The following ASAH2 variants were observed in gnomAD, a reference collection of about 807,000 sequenced individuals.
ASAH2 encodes the protein N-acylsphingosine amidohydrolase 2.
ASAH2 carries 58 observed loss-of-function variants against 82.9 expected under a neutral mutation model. The observed-to-expected ratio is 0.70, with a 90% CI of 0.57 to 0.87. The LOEUF is 0.87. Ranked by LOEUF, ASAH2 falls within the 40% of genes least tolerant of loss-of-function variation. The probability of loss-of-function intolerance (pLI) is 0.00; values close to 1 mark genes in which losing one functional copy is unlikely to be tolerated. For missense variants in ASAH2, 779 were observed against 834.0 expected, an observed-to-expected ratio of 0.93 and a Z score of 0.81; for synonymous variants, 276 against 289.7, an observed-to-expected ratio of 0.95 and a Z score of 0.48.
chr10:50,199,274 T>C, intron 16 of ASAH2, 128 bp from the exon 17 acceptor site: 1 of 907,974 alleles, frequency 1.1e-6, no homozygotes, highest in Non-Finnish European at 1.8e-6. Flanking sequence ...ATCTTCAAGA[T>C]TATGTATGAC....
In ASAH2 at chr10:50,186,700, CTTAGAAAGACTATGTTATTTTGA is replaced by C. The variant is rs1478421949; in HGVS notation, c.*592_*614del. 1 of 130,728 alleles carries C rather than the reference CTTAGAAAGACTATGTTATTTTGA, an allele frequency of 7.6e-6. No individual in the cohort carries two copies. Among genetic ancestry groups the C allele is most frequent in the Non-Finnish European group, 1.6e-5 (1 of 62,744 alleles). The allele number at this position is 130,728 out of a possible 1,614,324, so 8.1% of individuals were successfully genotyped here. A position where few individuals can be genotyped will look rare whatever the true frequency, so the allele number is the denominator to read the frequency against. ...AGGCATGTTAACTCCAGAATGACTGCTTAGAAAGACTATGTTATTTTGAATGAAGGAAAACTGACATGCTGATT... is the reference window on the plus strand; with the variant it reads ...AGGCATGTTAACTCCAGAATGACTGCATGAAGGAAAACTGACATGCTGATT... On this transcript the variant is annotated 3_prime_UTR_variant, in exon 21 of 21. Coordinates refer to ENST00000682911, the MANE Select transcript of ASAH2 (RefSeq NM_019893.4).
intron 3 of ASAH2, among the ~76,000 whole-genome samples, chr10:50,243,779 C>G (rs1846371120): frequency 6.6e-6 from 1 of 152,156 alleles, no homozygotes; most frequent in Non-Finnish European, 1.5e-5. Context: ...TCCCACATTG[C>G]CCAGGAACAT....
In ASAH2 at chr10:50,245,305, A is replaced by T; in HGVS notation, c.277T>A (p.Ser93Thr). 8 of 1,613,680 alleles carry T rather than the reference A, an allele frequency of 5.0e-6. No homozygotes were observed. Among genetic ancestry groups the T allele is most frequent in the Non-Finnish European group, 6.8e-6 (8 of 1,179,920 alleles). ...CCACTGAAGTTCTGAAATAGAGGAG[A>T]CTCTGGGGTTAAAGGCACTGGAGAA... The part of the protein sequence containing the change: ...QTSPVPLTPE[S>T]PLFQNFSGYH... Residue 93 changes from serine (S) to threonine (T), a missense_variant, in exon 3 of 21, where the codon TCT becomes ACT. Transcript: ENST00000682911.
At chr10:50,238,216 A>C (rs1454800679) in intron 4 of ASAH2, among the ~76,000 whole-genome samples, 1 of 152,184 alleles carries the variant, frequency 6.6e-6, no homozygotes, top group African/African-American at 2.4e-5. Flanking sequence ...AGCTAGTTCC[A>C]GCTCACTGCT....
At chr10:50,233,933 T>G (rs2133224843) in intron 6 of ASAH2, among the ~76,000 whole-genome samples, 1 of 152,226 alleles carries the variant, frequency 6.6e-6, no homozygotes, top group African/African-American at 2.4e-5. Context: ...ATATTCTTTA[T>G]CCTTTTATTT....
chr10:50,249,949 G>A (rs1846573403), intron 1 of ASAH2, among the ~76,000 whole-genome samples: 2 of 152,018 alleles, frequency 1.3e-5, no homozygotes, highest in South Asian at 4.2e-4. Flanking sequence ...GTTAATAAAT[G>A]GCAACAATGT....
At chr10:50,216,010 A>C (rs994918335) in intron 8 of ASAH2, among the ~76,000 whole-genome samples, 98 of 152,316 alleles carry the variant, frequency 6.4e-4, no homozygotes, top group Admixed American at 1.4e-3. Flanking sequence ...TATCCTTTGC[A>C]GGGACATGGA....
chr10:50,213,289 A>G (rs1384354284), intron 9 of ASAH2, among the ~76,000 whole-genome samples: 1 of 152,156 alleles, frequency 6.6e-6, no homozygotes, highest in African/African-American at 2.4e-5. Context: ...AAATAAGGAA[A>G]TTGAGGCTCA....
intron 8 of ASAH2, among the ~76,000 whole-genome samples, chr10:50,215,146 C>T (rs1845560454): frequency 6.6e-6 from 1 of 152,208 alleles, no homozygotes; most frequent in Non-Finnish European, 1.5e-5. Context: ...TTACCAATCC[C>T]TATGTCCTAA....
intron 4 of ASAH2, among the ~76,000 whole-genome samples, chr10:50,238,304 G>C (rs976965249): frequency 1.6e-5 from 2 of 121,900 alleles, no homozygotes; most frequent in African/African-American, 6.2e-5. Flanking sequence ...TCTATTGCAG[G>C]TGAAGATCTA....
At chr10:50,220,611 G>A (rs1845717505) in intron 7 of ASAH2, among the ~76,000 whole-genome samples, 1 of 152,050 alleles carries the variant, frequency 6.6e-6, no homozygotes, top group Admixed American at 6.6e-5. Context: ...AGATGCTGGG[G>A]CTTATTGGAG....
At chr10:50,220,337 G>A (rs1231837707) in intron 7 of ASAH2, among the ~76,000 whole-genome samples, 1 of 152,076 alleles carries the variant, frequency 6.6e-6, no homozygotes, top group Non-Finnish European at 1.5e-5. Context: ...TATGTTCGTT[G>A]CAGCACTATT....
chr10:50,248,249 C>T (rs560016121), intron 2 of ASAH2, among the ~76,000 whole-genome samples: 1 of 152,140 alleles, frequency 6.6e-6, no homozygotes, highest in Non-Finnish European at 1.5e-5. Context: ...AAACTAATGG[C>T]AAACAAGTAC....
At chr10:50,209,352 G>GA (rs1018676880) in intron 12 of ASAH2, among the ~76,000 whole-genome samples, 3 of 151,378 alleles carry the variant, frequency 2.0e-5, no homozygotes, top group Non-Finnish European at 4.4e-5. Context: ...CAGAATGGAA[G>GA]AAAAAAAATT....
chr10:50,249,033 A>T (rs1463434201), intron 1 of ASAH2, among the ~76,000 whole-genome samples: 1 of 152,206 alleles, frequency 6.6e-6, no homozygotes, highest in Non-Finnish European at 1.5e-5. Context: ...GTTAACAAGG[A>T]TGACTGATGC....
chr10:50,232,592 A>G (rs1459573924), intron 7 of ASAH2, among the ~76,000 whole-genome samples: 3 of 152,142 alleles, frequency 2.0e-5, no homozygotes, highest in Non-Finnish European at 4.4e-5. Flanking sequence ...ATTTTCAAGA[A>G]AACAAAATCC....
At chr10:50,247,315 A>G (rs1846487594) in intron 2 of ASAH2, among the ~76,000 whole-genome samples, 1 of 103,864 alleles carries the variant, frequency 9.6e-6, no homozygotes. Context: ...GCACCACCAC[A>G]AACAGCTATT....
chr10:50,234,648 T>A, intron 5 of ASAH2, 96 bp from the exon 6 acceptor site: 1 of 1,547,534 alleles, frequency 6.5e-7, no homozygotes, highest in Non-Finnish European at 8.9e-7. Context: ...GTGAACAATT[T>A]CCTTTGTCTC....
In ASAH2 at chr10:50,214,623, A is replaced by G. The variant is rs549855570; in HGVS notation, c.1140+120T>C. 71 of 1,216,102 alleles carry G rather than the reference A, an allele frequency of 5.8e-5. No individual in the cohort carries two copies. In the South Asian group the frequency reaches 8.7e-4, roughly 15 times the overall value. 75.3% of individuals were successfully genotyped at this position (1,216,102 alleles called of 1,614,324 possible). A position where few individuals can be genotyped will look rare whatever the true frequency, so the allele number is the denominator to read the frequency against. On this transcript the variant is annotated intron_variant, in intron 9 of 20. Coordinates refer to ENST00000682911, the MANE Select transcript of ASAH2 (RefSeq NM_019893.4). ...GGTGCTTTTGAGAAGAGCAGATGCTAGGGAGAACTAGGCCAGTGTATACTA... is the reference window on the plus strand; with the variant it reads ...GGTGCTTTTGAGAAGAGCAGATGCTGGGGAGAACTAGGCCAGTGTATACTA...
Sources: gnomAD v4.1 joint callset for allele counts (sites outside exome capture counted in the v4.1 genomes callset) on GRCh38, gnomAD v4.1.1 for gene constraint, MANE v1.5 for transcripts, NCBI Gene and HGNC (gene_info 2026-07-23, HGNC 2026-07-21) for gene names.